FRMPD4: variants seen among roughly 807,000 people sequenced by gnomAD.
FRMPD4 encodes the protein FERM and PDZ domain-containing protein 4.
Under a neutral mutation model 94.1 loss-of-function variants are expected in FRMPD4, and 22 were observed. That is an observed-to-expected ratio of 0.23 (90% CI 0.17 to 0.33). The LOEUF (loss-of-function observed/expected upper bound fraction) is 0.33. Ranked by LOEUF, FRMPD4 falls within the 10% of genes least tolerant of loss-of-function variation. FRMPD4 has a pLI of 1.00. For missense variants in FRMPD4, 1,111 were observed against 1,339.9 expected, an observed-to-expected ratio of 0.83 and a Z score of 2.67; for synonymous variants, 631 against 548.6, an observed-to-expected ratio of 1.15 and a Z score of -2.10.
intron 2 of FRMPD4, among the ~76,000 whole-genome samples, chrX:12,523,197 G>A (rs2058183678): frequency 8.9e-6 from 1 of 112,140 alleles, no homozygotes; most frequent in African/African-American, 3.2e-5. Flanking sequence ...CCTGCTGCCT[G>A]ATTTCCTTTT....
chrX:12,413,760 T>C (rs1464633001), intron 1 of FRMPD4, among the ~76,000 whole-genome samples: 1 of 112,389 alleles, frequency 8.9e-6, no homozygotes, highest in Non-Finnish European at 1.9e-5. Flanking sequence ...GGGCAGCCTT[T>C]AAATGTGCAA....
Position 12,138,892 on chromosome X carries a change from C to A in FRMPD4, c.-80C>A. The A allele has an allele frequency of 1.2e-6, 1 of 868,288 alleles. No homozygotes were observed. The highest frequency in any genetic ancestry group is 1.6e-6 in the Non-Finnish European group (1 of 636,866). 71.6% of individuals were successfully genotyped at this position (868,288 alleles called of 1,213,427 possible). On this transcript the variant is annotated 5_prime_UTR_variant, in exon 1 of 17. Coordinates refer to ENST00000675598, the MANE Select transcript of FRMPD4 (RefSeq NM_001368397.1). ...GCCCCGGGCGCACTGAGGTCTTGGC[C>A]ATGGGGCTGCGGAGGCTGCTGTTGC...
At chrX:12,516,267 CTT>C (rs2058095056) in intron 2 of FRMPD4, among the ~76,000 whole-genome samples, 1 of 111,711 alleles carries the variant, frequency 9.0e-6, no homozygotes, top group Admixed American at 9.5e-5. Context: ...ACTTTGCAGA[CTT>C]GTTGATGTAG....
intron 2 of FRMPD4, among the ~76,000 whole-genome samples, chrX:12,594,438 T>C (rs866205704): frequency 9.1e-6 from 1 of 110,497 alleles, no homozygotes; most frequent in South Asian, 3.9e-4. Context: ...TTTATTTATT[T>C]ATTTATTTAT....
intron 1 of FRMPD4, among the ~76,000 whole-genome samples, chrX:12,344,161 C>T (rs780139317): frequency 1.2e-4 from 13 of 111,487 alleles, no homozygotes; most frequent in Non-Finnish European, 2.4e-4. Flanking sequence ...CTAAGGCTCA[C>T]CTCAGCAGGC....
At chrX:12,261,782 T>C (rs1461657512) in intron 1 of FRMPD4, among the ~76,000 whole-genome samples, 2 of 112,289 alleles carry the variant, frequency 1.8e-5, no homozygotes, top group Admixed American at 1.9e-4. Context: ...GTCGCCTATA[T>C]GCCTAGACAT....
chrX:12,418,015 AACAAC>A (rs2056830800), intron 1 of FRMPD4, among the ~76,000 whole-genome samples: 3 of 108,423 alleles, frequency 2.8e-5, no homozygotes, highest in Admixed American at 9.8e-5. Flanking sequence ...AAAAAAAACA[AACAAC>A]AACAACAACA....
chrX:11,965,096 C>T (rs931501454), intron 3 of FRMPD4, among the ~76,000 whole-genome samples: 7 of 112,523 alleles, frequency 6.2e-5, no homozygotes, highest in African/African-American at 2.3e-4. Flanking sequence ...GTAAGGTCAC[C>T]TGATTAGCGA....
At chrX:12,221,957 AAAAT>A (rs1429258948) in intron 1 of FRMPD4, among the ~76,000 whole-genome samples, 1 of 112,333 alleles carries the variant, frequency 8.9e-6, no homozygotes, top group Non-Finnish European at 1.9e-5. Context: ...CTCATAAGTG[AAAAT>A]AAAGATATGT....
intron 3 of FRMPD4, among the ~76,000 whole-genome samples, chrX:11,958,121 C>G (rs1569132680): frequency 8.9e-6 from 1 of 111,842 alleles, no homozygotes; most frequent in Non-Finnish European, 1.9e-5. Flanking sequence ...TTTAGAAATA[C>G]AGGCTACCAG....
At chrX:11,926,695 A>G (rs1011583375) in intron 3 of FRMPD4, among the ~76,000 whole-genome samples, 8 of 112,041 alleles carry the variant, frequency 7.1e-5, no homozygotes, top group Non-Finnish European at 1.3e-4. Flanking sequence ...AGTCTTGATA[A>G]AATTCAACAC....
chrX:12,590,718 A>T (rs1171644688), intron 2 of FRMPD4, among the ~76,000 whole-genome samples: 1 of 112,063 alleles, frequency 8.9e-6, no homozygotes, highest in Non-Finnish European at 1.9e-5. Context: ...ACCTTCAAGG[A>T]GTTCAGAATC....
chrX:12,710,622 T>C, intron 14 of FRMPD4, 85 bp downstream of exon 14: 4 of 939,051 alleles, frequency 4.3e-6, no homozygotes, highest in Non-Finnish European at 5.9e-6. Flanking sequence ...TTCTGAAAAG[T>C]TAAGGCCAGG....
At chrX:12,258,738 T>C (rs762246046) in intron 1 of FRMPD4, among the ~76,000 whole-genome samples, 90 of 111,914 alleles carry the variant, frequency 8.0e-4, no homozygotes, top group African/African-American at 2.5e-3. Context: ...TTTTAATACA[T>C]GTATACAATG....
chrX:11,879,775 T>C (rs186090894), intron 3 of FRMPD4, among the ~76,000 whole-genome samples: 1 of 112,205 alleles, frequency 8.9e-6, no homozygotes, highest in African/African-American at 3.2e-5. Flanking sequence ...GTAAATATAG[T>C]TCAAGATTCA....
At chrX:12,178,860 G>A (rs930003703) in intron 1 of FRMPD4, among the ~76,000 whole-genome samples, 1 of 112,034 alleles carries the variant, frequency 8.9e-6, no homozygotes, top group Non-Finnish European at 1.9e-5. Flanking sequence ...AGTTTGACAT[G>A]CTTCTGAGAT....
chrX:12,366,909 A>G (rs889427221), intron 1 of FRMPD4, among the ~76,000 whole-genome samples: 1 of 111,008 alleles, frequency 9.0e-6, no homozygotes, highest in African/African-American at 3.3e-5. Context: ...AGGGGTACCA[A>G]CCCAGCAGGG....
At chrX:12,472,509 C>G (rs2057526285) in intron 1 of FRMPD4, among the ~76,000 whole-genome samples, 1 of 111,600 alleles carries the variant, frequency 9.0e-6, no homozygotes, top group African/African-American at 3.3e-5. Flanking sequence ...GGGGTTTTCT[C>G]TCACAGAATT....
chrX:12,098,499 T>G (rs185868592), intron 3 of FRMPD4, among the ~76,000 whole-genome samples: 1 of 112,385 alleles, frequency 8.9e-6, no homozygotes, highest in East Asian at 2.8e-4. Flanking sequence ...AGAAGAAGTA[T>G]GTTCTAACTA....
Sources: allele counts gnomAD v4.1 joint callset (sites outside exome capture counted in the v4.1 genomes callset), GRCh38; gene constraint gnomAD v4.1.1; transcripts MANE v1.5; gene names NCBI Gene and HGNC (gene_info 2026-07-23, HGNC 2026-07-21).